NUMB: variants seen among roughly 807,000 people sequenced by gnomAD.
NUMB encodes NUMB endocytic adaptor protein.
A neutral mutation model predicts 59.7 loss-of-function variants in NUMB; 29 were observed. That is an observed-to-expected ratio of 0.49 (90% CI 0.36 to 0.66). NUMB has a LOEUF of 0.66. NUMB is among the 30% of genes least tolerant of loss of function. NUMB has a pLI of 0.00. For synonymous variants in NUMB, 288 were observed against 288.2 expected (o/e 1.00, Z 0.01); for missense variants, 723 against 822.0 (o/e 0.88, Z 1.47).
At chr14:73,285,475 C>A (rs868549975) in intron 9 of NUMB, 2 of 152,010 alleles carry the variant, frequency 1.3e-5, no homozygotes, top group Non-Finnish European at 1.5e-5. Context: ...CATGATTTTT[C>A]CCCCCTTTGG....
At chr14:73,423,788 C>T (rs997416490) in intron 1 of NUMB, among the ~76,000 whole-genome samples, 4 of 151,100 alleles carry the variant, frequency 2.6e-5, no homozygotes, top group African/African-American at 7.3e-5. Context: ...CCAGCCTGGG[C>T]GTCAGAGCAA....
chr14:73,316,725 T>C (rs1348267443), intron 5 of NUMB, among the ~76,000 whole-genome samples: 1 of 152,202 alleles, frequency 6.6e-6, no homozygotes, highest in Middle Eastern at 3.2e-3. Context: ...AACAGAGATC[T>C]TCCAAATTTG....
chr14:73,332,250 TTTTC>T (rs1489850158), intron 4 of NUMB, among the ~76,000 whole-genome samples: 8 of 152,074 alleles, frequency 5.3e-5, no homozygotes, highest in Non-Finnish European at 1.0e-4. Flanking sequence ...ATAAATTCTT[TTTTC>T]TTTTTTTTTT....
intron 4 of NUMB, among the ~76,000 whole-genome samples, chr14:73,329,665 C>G (rs926672763): frequency 6.6e-6 from 1 of 152,230 alleles, no homozygotes; most frequent in African/African-American, 2.4e-5. Context: ...TGACTACTCT[C>G]TTTGAACTTC....
chr14:73,428,309 T>TA (rs1897674003), intron 1 of NUMB, among the ~76,000 whole-genome samples: 1 of 152,136 alleles, frequency 6.6e-6, no homozygotes, highest in South Asian at 2.1e-4. Flanking sequence ...TTTATCTGTT[T>TA]AAAAAAAGAA....
At chr14:73,325,766 G>A (rs1891629929) in intron 4 of NUMB, among the ~76,000 whole-genome samples, 1 of 152,154 alleles carries the variant, frequency 6.6e-6, no homozygotes, top group South Asian at 2.1e-4. Flanking sequence ...GAGAGTACAG[G>A]AGTCCCCCTC....
At position 73,438,630 on chromosome 14, in the gene NUMB, CAAA is replaced by C. The variant is rs35633693; in HGVS notation, c.-233+19860_-233+19862del. Reference sequence around the variant, plus strand: ...TGGGCAAGACAGCAAGACTCTGCCTCAAAAAAAAAAAAAAAAAAAAAGTTTTCA... The same window carrying C: ...TGGGCAAGACAGCAAGACTCTGCCTCAAAAAAAAAAAAAAAAAAGTTTTCA... On this transcript the variant is annotated intron_variant, in intron 1 of 12. Coordinates refer to ENST00000555238, the MANE Select transcript of NUMB (RefSeq NM_001005743.2). Among the ~76,000 whole-genome samples the C allele has an allele frequency of 3.0e-4, 20 of 66,718 alleles. 1 individual carries two copies. The highest frequency in any genetic ancestry group is 2.2e-3 in the South Asian group (4 of 1,790). 43.8% of individuals were successfully genotyped at this position (66,718 alleles called of 152,430 possible).
chr14:73,331,950 C>T lies in NUMB; in HGVS notation c.127-8746G>A, dbSNP rs376742871. Among the ~76,000 whole-genome samples, 120 of 152,240 alleles carry T rather than the reference C, an allele frequency of 7.9e-4. 5 individuals are homozygous for T. The South Asian group carries it at 0.024, about 30-fold the overall frequency. On this transcript the variant is annotated intron_variant, in intron 4 of 12. Transcript: ENST00000555238. ...GAACAAACTAATACAGTACCCCAGC[C>T]GTATTACTATCCTAAGACCTATTTT... is the stretch of plus-strand genomic sequence containing the variant.
chr14:73,421,253 C>G (rs1035564119), intron 1 of NUMB, among the ~76,000 whole-genome samples: 14 of 151,942 alleles, frequency 9.2e-5, no homozygotes, highest in African/African-American at 3.4e-4. Flanking sequence ...GGTGCAATCT[C>G]GGCCCACTGC....
intron 6 of NUMB, among the ~76,000 whole-genome samples, chr14:73,304,733 G>A (rs1039774031): frequency 6.6e-6 from 1 of 152,064 alleles, no homozygotes. Flanking sequence ...ATCCTTAGGA[G>A]AAATGAGTTG....
At chr14:73,417,001 G>A (rs775122118) in intron 1 of NUMB, among the ~76,000 whole-genome samples, 14 of 151,804 alleles carry the variant, frequency 9.2e-5, no homozygotes, top group Non-Finnish European at 1.5e-4. Context: ...TGGCAGAGGA[G>A]AAGAGAAGGA....
chr14:73,336,418 C>A (rs1189858843), intron 4 of NUMB, among the ~76,000 whole-genome samples: 2 of 152,144 alleles, frequency 1.3e-5, no homozygotes, highest in African/African-American at 4.8e-5. Flanking sequence ...TCAGCTATTG[C>A]GTGCCTTCTG....
intron 1 of NUMB, among the ~76,000 whole-genome samples, chr14:73,416,286 T>C (rs1897124006): frequency 6.6e-6 from 1 of 151,884 alleles, no homozygotes; most frequent in Admixed American, 6.6e-5. Flanking sequence ...GGGAAAAAAT[T>C]ATGTTAGTTG....
In NUMB at chr14:73,282,297, G is replaced by C. The variant is rs1435653566; in HGVS notation, c.1096+62C>G. ...CTCAGGATGCCAACTTACAGTTAGT[G>C]AGCAGTGTACTAAAAGTACTGGTTG... On this transcript the variant is annotated intron_variant, in intron 11 of 12. Coordinates refer to ENST00000555238, the MANE Select transcript of NUMB (RefSeq NM_001005743.2). The C allele has an allele frequency of 1.9e-6, 3 of 1,549,754 alleles. No individual in the cohort carries two copies. In the East Asian group the frequency reaches 6.9e-5, roughly 35 times the overall value.
intron 2 of NUMB, among the ~76,000 whole-genome samples, chr14:73,392,251 A>G (rs1486970625): frequency 6.6e-6 from 1 of 152,174 alleles, no homozygotes; most frequent in Non-Finnish European, 1.5e-5. Flanking sequence ...CTTGCCCCTA[A>G]ATCTGTGCTA....
chr14:73,345,382 G>C (rs1448971659), intron 4 of NUMB, among the ~76,000 whole-genome samples: 4 of 152,108 alleles, frequency 2.6e-5, no homozygotes, highest in Non-Finnish European at 5.9e-5. Flanking sequence ...CTACCTATCA[G>C]GTACCATGCT....
At chr14:73,441,390 A>T (rs972121552) in intron 1 of NUMB, among the ~76,000 whole-genome samples, 1 of 152,126 alleles carries the variant, frequency 6.6e-6, no homozygotes, top group Admixed American at 6.6e-5. Flanking sequence ...TCTACTAAAG[A>T]TACGAAAATT....
intron 8 of NUMB, among the ~76,000 whole-genome samples, chr14:73,290,418 C>G (rs955358071): frequency 6.6e-6 from 1 of 152,160 alleles, no homozygotes; most frequent in Non-Finnish European, 1.5e-5. Flanking sequence ...GAAGTGTATA[C>G]CAAGACAGAG....
intron 5 of NUMB, among the ~76,000 whole-genome samples, chr14:73,317,326 G>C (rs528647388): frequency 6.6e-6 from 1 of 152,310 alleles, no homozygotes; most frequent in East Asian, 1.9e-4. Context: ...TGTTGAGTCA[G>C]AGTCTCACTC....
Sources: allele counts gnomAD v4.1 joint callset (sites outside exome capture counted in the v4.1 genomes callset), GRCh38; gene constraint gnomAD v4.1.1; transcripts MANE v1.5; gene names NCBI Gene and HGNC (gene_info 2026-07-23, HGNC 2026-07-21).